Variants in TUBA3D observed in about 807,000 individuals in gnomAD.
TUBA3D encodes tubulin alpha 3d, also known as tubulin alpha-3D chain.
TUBA3D carries 24 observed loss-of-function variants against 36.1 expected under a neutral mutation model. The ratio of observed to expected loss-of-function variants is 0.66; its 90% CI spans 0.48 to 0.93. The LOEUF is 0.93. Among genes scored for constraint, TUBA3D ranks in the 40% least tolerant of loss-of-function variants. The pLI is 0.00. For missense variants in TUBA3D, 356 were observed against 614.5 expected, an observed-to-expected ratio of 0.58 and a Z score of 4.45; for synonymous variants, 185 against 247.2, an observed-to-expected ratio of 0.75 and a Z score of 2.36.
rs780562506 is a variant in TUBA3D, at chr2:131,482,646, T to C, written c.1151T>C (p.Ile384Thr). ...TGCATGCTGAGCAACACCACGGCCA[T>C]TGCGGAGGCCTGGGCCCGCCTGGAC... ...AVCMLSNTTA[I>T]AEAWARLDHK... The change falls in exon 5 of 5, where the codon ATT becomes ACT. Residue 384 changes from isoleucine to threonine, a missense_variant. Physicochemically the swap from Ile to Thr is moderately conservative, Grantham distance 89. Transcript: ENST00000321253. The C allele has an allele frequency of 7.4e-6, 12 of 1,614,062 alleles. No homozygotes were observed. The highest frequency in any genetic ancestry group is 4.0e-5 in the African/African-American group (3 of 74,934).
rs1399780376 is a variant in TUBA3D, at chr2:131,479,575, C to T, written c.375+119C>T. On this transcript the variant is annotated intron_variant, in intron 3 of 4. Transcript: ENST00000321253. Reference sequence around the variant, plus strand: ...AGCATCTTGGCCGGGCGCGGTGGCTCACACATGTAATCCCAGCACTTTGGG... The same window carrying T: ...AGCATCTTGGCCGGGCGCGGTGGCTTACACATGTAATCCCAGCACTTTGGG... 4.5e-6 allele frequency: 7 copies of T among 1,542,366 alleles called. No homozygotes were observed. In the Admixed American group the frequency reaches 9.0e-5, roughly 20 times the overall value.
chr2:131,476,211 C>A lies in TUBA3D; in HGVS notation c.3+9C>A. The A allele has an allele frequency of 1.9e-6, 3 of 1,613,902 alleles. No individual in the cohort carries two copies. Among genetic ancestry groups the A allele is most frequent in the Non-Finnish European group, 2.5e-6 (3 of 1,180,008 alleles). ...CAGCGGAGTTCGCCATGGTAAGGCC[C>A]GGGTCACTCCCGCCCCGCAGATGCC... On this transcript the variant is annotated intron_variant, in intron 1 of 4. Coordinates refer to ENST00000321253, the MANE Select transcript of TUBA3D (RefSeq NM_080386.4).
chr2:131,481,778 G>C (rs1478384129), intron 4 of TUBA3D, among the ~76,000 whole-genome samples: 1 of 152,190 alleles, frequency 6.6e-6, no homozygotes, highest in Non-Finnish European at 1.5e-5. Context: ...ATGTTGGCCA[G>C]GCTGGTCTCA....
intron 4 of TUBA3D, among the ~76,000 whole-genome samples, chr2:131,482,314 C>G (rs1202289364): frequency 6.6e-6 from 1 of 152,172 alleles, no homozygotes; most frequent in Non-Finnish European, 1.5e-5. Flanking sequence ...GGTACTAGGA[C>G]ACAGCCCTTT....
intron 4 of TUBA3D, among the ~76,000 whole-genome samples, chr2:131,481,816 C>T (rs953244514): frequency 1.6e-4 from 25 of 152,166 alleles, no homozygotes; most frequent in African/African-American, 5.1e-4. Flanking sequence ...GATCTGCCCA[C>T]CTGTCTCCCA....
chr2:131,480,063 T>C lies in TUBA3D; in HGVS notation c.376-6T>C, dbSNP rs1678801884. The stretch of plus-strand genomic sequence containing the variant: ...GCATTGGCTCACGTTGTGTGGTTTC[T>C]CTCAGGCGGATCTGTGCACAGGACT... On this transcript the variant is annotated splice_region_variant and splice_polypyrimidine_tract_variant and intron_variant, in intron 3 of 4. Coordinates refer to ENST00000321253, the MANE Select transcript of TUBA3D (RefSeq NM_080386.4). The C allele has an allele frequency of 1.9e-6, 3 of 1,574,846 alleles. No individual in the cohort carries two copies. In the African/African-American group the frequency reaches 4.1e-5, roughly 21 times the overall value.
chr2:131,479,279 A>C, intron 2 of TUBA3D, 29 bp from the exon 3 acceptor site: 1 of 1,610,730 alleles, frequency 6.2e-7, no homozygotes, highest in African/African-American at 1.3e-5. Flanking sequence ...GGCCTTAAAA[A>C]TTCACAGCAC....
chr2:131,479,561 C>T (rs1385150855), intron 3 of TUBA3D, 105 bp downstream of exon 3: 28 of 1,555,812 alleles, frequency 1.8e-5, no homozygotes, highest in East Asian at 6.8e-5. Flanking sequence ...GCATCTTGGC[C>T]GGGCGCGGTG....
chr2:131,480,801 A>G lies in TUBA3D; in HGVS notation c.1056+52A>G, dbSNP rs550171909. ...TCAGCAAGCAGCAGATGCACAAAAT[A>G]ACACTGGCCCTGAAGGCCCACATCC... On this transcript the variant is annotated intron_variant, in intron 4 of 4. Coordinates refer to ENST00000321253, the MANE Select transcript of TUBA3D (RefSeq NM_080386.4). The G allele has an allele frequency of 3.2e-6, 5 of 1,579,532 alleles. No individual in the cohort carries two copies. The Admixed American group carries it at 8.6e-5, about 27-fold the overall frequency.
chr2:131,480,479 C>A lies in TUBA3D; in HGVS notation c.786C>A (p.Tyr262Ter). Residue 262 changes from tyrosine to a stop codon, truncating the protein, a stop_gained, in exon 4 of 5, where the codon TAC becomes TAA. Coordinates refer to ENST00000321253, the MANE Select transcript of TUBA3D (RefSeq NM_080386.4). LOFTEE classifies it high-confidence loss of function. ...AATTCCAGACCAACCTAGTGCCGTA[C>A]CCCCGCATCCACTTCCCCCTGGCCA... ...LTEFQTNLVP[Y>*]PRIHFPLATY... 2 of 1,588,886 alleles carry A rather than the reference C, an allele frequency of 1.3e-6. No homozygotes were observed. The highest frequency in any genetic ancestry group is 1.7e-6 in the Non-Finnish European group (2 of 1,171,756).
intron 4 of TUBA3D, among the ~76,000 whole-genome samples, chr2:131,481,518 C>T (rs894538827): frequency 1.3e-5 from 2 of 151,060 alleles, no homozygotes; most frequent in Non-Finnish European, 2.9e-5. Context: ...TCACTGCAAC[C>T]TCCACCTCCC....
chr2:131,478,552 T>C (rs987961918), intron 2 of TUBA3D, among the ~76,000 whole-genome samples, 166 bp downstream of exon 2: 5 of 152,246 alleles, frequency 3.3e-5, no homozygotes, highest in African/African-American at 1.2e-4. Flanking sequence ...TCAAAGTGTC[T>C]GTGAGACTCG....
chr2:131,477,986 C>T (rs2105268916), intron 1 of TUBA3D, among the ~76,000 whole-genome samples, 178 bp from the exon 2 acceptor site: 1 of 152,246 alleles, frequency 6.6e-6, no homozygotes, highest in Admixed American at 6.5e-5. Context: ...GTATGGTTTA[C>T]AGCAATTAGT....
chr2:131,479,351 G>A lies in TUBA3D; in HGVS notation c.270G>A (p.Glu90=), dbSNP rs771713930. 21 of 1,614,152 alleles carry A rather than the reference G, an allele frequency of 1.3e-5. No individual in the cohort carries two copies. The South Asian group carries it at 2.1e-4, about 16-fold the overall frequency. The change falls in exon 3 of 5, where the codon GAG becomes GAA. Residue 90 remains glutamate (E), a synonymous_variant. Transcript: ENST00000321253. ...CCTACAGGCAGCTCTTCCACCCGGA[G>A]CAGCTGATCACCGGGAAGGAAGATG... The part of the protein sequence containing the change: ...TGTYRQLFHP[E]QLITGKEDAA...
At chr2:131,479,225 G>A (rs1380646102) in intron 2 of TUBA3D, 83 bp from the exon 3 acceptor site, 2 of 1,546,940 alleles carry the variant, frequency 1.3e-6, no homozygotes, top group Non-Finnish European at 8.7e-7. Flanking sequence ...CATGTGCTCT[G>A]TAGAAGTGAA....
chr2:131,479,289 C>T lies in TUBA3D; in HGVS notation c.227-19C>T, dbSNP rs776458921. ...GTACAGGCCTTAAAAATTCACAGCA[C>T]ACACTGTCTCTTTTGCAGATGAAGT... On this transcript the variant is annotated intron_variant, in intron 2 of 4. Coordinates refer to ENST00000321253, the MANE Select transcript of TUBA3D (RefSeq NM_080386.4). 13 of 1,612,550 alleles carry T rather than the reference C, an allele frequency of 8.1e-6. No homozygotes were observed. Among genetic ancestry groups the T allele is most frequent in the Non-Finnish European group, 1.1e-5 (13 of 1,178,880 alleles).
chr2:131,482,442 T>C, intron 4 of TUBA3D, 110 bp from the exon 5 acceptor site: 1 of 1,471,148 alleles, frequency 6.8e-7, no homozygotes, highest in East Asian at 2.3e-5. Context: ...TGAGGTGAAC[T>C]GAGCATTCTC....
At chr2:131,476,294 T>C in intron 1 of TUBA3D, 92 bp downstream of exon 1, 1 of 1,600,202 alleles carries the variant, frequency 6.2e-7, no homozygotes, top group Non-Finnish European at 8.5e-7. Context: ...GCCTGGGCGC[T>C]GAGAGGAGGC....
At position 131,482,858 on chromosome 2, in the gene TUBA3D, G is replaced by T. The variant is rs1678908937; in HGVS notation, c.*10G>T. 5 of 1,610,370 alleles carry T rather than the reference G, an allele frequency of 3.1e-6. No individual in the cohort carries two copies. Among genetic ancestry groups the T allele is most frequent in the Middle Eastern group, 1.7e-4 (1 of 6,042 alleles). Reference sequence around the variant, plus strand: ...AGGCGAAGAATACTGAGGGGAGGGTGTGGTGGGTTCTCCCCTGCCACCCCC... The same window carrying T: ...AGGCGAAGAATACTGAGGGGAGGGTTTGGTGGGTTCTCCCCTGCCACCCCC... On this transcript the variant is annotated 3_prime_UTR_variant, in exon 5 of 5. Coordinates refer to ENST00000321253, the MANE Select transcript of TUBA3D (RefSeq NM_080386.4).
Sources: gnomAD v4.1 joint callset for allele counts (sites outside exome capture counted in the v4.1 genomes callset) on GRCh38, gnomAD v4.1.1 for gene constraint, MANE v1.5 for transcripts, NCBI Gene and HGNC (gene_info 2026-07-23, HGNC 2026-07-21) for gene names.